Variants in PEX5L observed in about 807,000 individuals in gnomAD.
The protein encoded by PEX5L is PEX5-related protein.
In PEX5L, 30 loss-of-function variants were observed where a neutral mutation model predicts 84.0. The ratio of observed to expected loss-of-function variants is 0.36; its 90% CI spans 0.27 to 0.48. PEX5L has a LOEUF of 0.48. Ranked by LOEUF, PEX5L falls within the 20% of genes least tolerant of loss-of-function variation. PEX5L has a pLI of 0.99. For synonymous variants in PEX5L, 270 were observed against 283.1 expected (o/e 0.95, Z 0.46); for missense variants, 533 against 754.6 (o/e 0.71, Z 3.44).
intron 4 of PEX5L, chr3:179,881,147 C>T (rs1754035180): frequency 6.6e-6 from 1 of 152,324 alleles, no homozygotes; most frequent in African/African-American, 2.4e-5. Flanking sequence ...GACTGCAGCA[C>T]TCCTCTTTAA....
intron 1 of PEX5L, among the ~76,000 whole-genome samples, chr3:180,023,761 C>T (rs915357373): frequency 6.4e-5 from 9 of 139,938 alleles, no homozygotes; most frequent in South Asian, 2.1e-4. Context: ...CACACACACA[C>T]GCACACACAC....
intron 1 of PEX5L, among the ~76,000 whole-genome samples, chr3:180,010,180 T>C (rs1384835210): frequency 6.6e-6 from 1 of 151,354 alleles, no homozygotes; most frequent in African/African-American, 2.4e-5. Flanking sequence ...CTCCTGACCG[T>C]GTGATCTGTC....
chr3:179,827,405 C>T (rs1730934509), intron 8 of PEX5L, among the ~76,000 whole-genome samples: 1 of 152,138 alleles, frequency 6.6e-6, no homozygotes, highest in Admixed American at 6.6e-5. Flanking sequence ...AAGCATAATC[C>T]ATCCAAGAAT....
At chr3:180,032,221 G>A (rs1791526598) in intron 1 of PEX5L, among the ~76,000 whole-genome samples, 1 of 152,180 alleles carries the variant, frequency 6.6e-6, no homozygotes, top group Non-Finnish European at 1.5e-5. Context: ...AAATGTACAT[G>A]AATTTGCTTC....
intron 3 of PEX5L, among the ~76,000 whole-genome samples, chr3:179,896,643 C>A (rs990496372): frequency 6.6e-6 from 1 of 152,090 alleles, no homozygotes; most frequent in African/African-American, 2.4e-5. Flanking sequence ...GGTACTGGAA[C>A]CTGCCCTAGA....
intron 4 of PEX5L, among the ~76,000 whole-genome samples, chr3:179,884,019 A>G (rs938810715): frequency 3.3e-5 from 5 of 152,218 alleles, no homozygotes; most frequent in Non-Finnish European, 2.9e-5. Flanking sequence ...AAAATATACA[A>G]TATGGTAAGT....
chr3:179,931,984 T>G (rs79138756), intron 2 of PEX5L, among the ~76,000 whole-genome samples: 3,977 of 152,264 alleles, frequency 0.026, 76 homozygotes, highest in Middle Eastern at 0.058. Context: ...CTATTAGTGA[T>G]AAAATTAGAA....
intron 13 of PEX5L, 24 bp downstream of exon 13, chr3:179,808,248 T>C: frequency 6.6e-7 from 1 of 1,513,848 alleles, no homozygotes; most frequent in East Asian, 2.3e-5. Context: ...CGCTGTGGTT[T>C]CTTGCTGTGC....
chr3:179,973,818 G>A (rs1040929145), intron 1 of PEX5L: 1 of 985,358 alleles, frequency 1.0e-6, no homozygotes, highest in Non-Finnish European at 1.2e-6. Flanking sequence ...AATAGAAGCT[G>A]GCATTTTCCA....
At chr3:179,995,667 C>T (rs1264241450) in intron 1 of PEX5L, among the ~76,000 whole-genome samples, 22 of 152,084 alleles carry the variant, frequency 1.4e-4, no homozygotes. Context: ...GATTCTAACT[C>T]CCGGCTTCAG....
chr3:179,943,635 T>C (rs563692675), intron 2 of PEX5L, among the ~76,000 whole-genome samples: 2 of 152,342 alleles, frequency 1.3e-5, no homozygotes, highest in African/African-American at 4.8e-5. Flanking sequence ...CAATGTTTTA[T>C]TCCACCACGT....
At chr3:179,839,960 T>C (rs1025685094) in intron 8 of PEX5L, among the ~76,000 whole-genome samples, 1 of 152,048 alleles carries the variant, frequency 6.6e-6, no homozygotes, top group African/African-American at 2.4e-5. Flanking sequence ...GGTAACAGCA[T>C]TCTAGGCAGA....
At chr3:179,902,857 A>C (rs1482529786) in intron 2 of PEX5L, among the ~76,000 whole-genome samples, 1 of 152,186 alleles carries the variant, frequency 6.6e-6, no homozygotes, top group Non-Finnish European at 1.5e-5. Flanking sequence ...GAAGAAATTG[A>C]GATAGGTTAG....
intron 8 of PEX5L, among the ~76,000 whole-genome samples, chr3:179,840,078 G>C (rs1164075063): frequency 6.6e-6 from 1 of 151,846 alleles, no homozygotes; most frequent in Non-Finnish European, 1.5e-5. Flanking sequence ...TGACAGCAGG[G>C]GCCAGATCAG....
intron 2 of PEX5L, among the ~76,000 whole-genome samples, chr3:179,912,768 C>A (rs997173738): frequency 2.6e-5 from 4 of 152,192 alleles, no homozygotes; most frequent in Non-Finnish European, 4.4e-5. Context: ...GATTAACTAG[C>A]ATTCCCAATT....
intron 14 of PEX5L, 25 bp downstream of exon 14, chr3:179,807,649 T>C: frequency 1.1e-5 from 18 of 1,610,520 alleles, no homozygotes; most frequent in Non-Finnish European, 1.5e-5. Flanking sequence ...ATGGCCTTCA[T>C]CCTTGGCCTG....
chr3:179,810,002 CTTTTTTT>C (rs35662193), intron 11 of PEX5L, among the ~76,000 whole-genome samples: 36 of 45,302 alleles, frequency 7.9e-4, no homozygotes, highest in African/African-American at 2.9e-3. Context: ...TTTAATGCTG[CTTTTTTT>C]TTTTTTTTTT....
chr3:179,825,001 G>A (rs1162432112), intron 8 of PEX5L, among the ~76,000 whole-genome samples: 1 of 152,214 alleles, frequency 6.6e-6, no homozygotes, highest in Admixed American at 6.5e-5. Context: ...CAGATGTGCA[G>A]TGTTCTCATG....
At chr3:180,004,068 C>T (rs974421211) in intron 1 of PEX5L, among the ~76,000 whole-genome samples, 1 of 152,142 alleles carries the variant, frequency 6.6e-6, no homozygotes, top group African/African-American at 2.4e-5. Context: ...ACAGCCTTTT[C>T]AATTTGGAAG....
Sources: allele counts gnomAD v4.1 joint callset (sites outside exome capture counted in the v4.1 genomes callset), GRCh38; gene constraint gnomAD v4.1.1; transcripts MANE v1.5; gene names NCBI Gene and HGNC (gene_info 2026-07-23, HGNC 2026-07-21).